CSMD1: variants seen among roughly 807,000 people sequenced by gnomAD.
CSMD1 encodes the protein CUB and sushi domain-containing protein 1.
A neutral mutation model predicts 417.5 loss-of-function variants in CSMD1; 213 were observed. The observed-to-expected ratio is 0.51, with a 90% CI of 0.46 to 0.57. The LOEUF (loss-of-function observed/expected upper bound fraction) is 0.57, where lower values mean the gene tolerates loss of function less well. Among genes scored for constraint, CSMD1 ranks in the 20% least tolerant of loss-of-function variants. CSMD1 has a pLI of 0.00. For synonymous variants in CSMD1, 2,862 were observed against 1,736.8 expected, an observed-to-expected ratio of 1.65 and a Z score of -16.11; for missense variants, 6,923 against 4,529.7, an observed-to-expected ratio of 1.53 and a Z score of -15.17.
At chr8:3,453,208 C>A (rs1037707035) in intron 12 of CSMD1, among the ~76,000 whole-genome samples, 1 of 151,918 alleles carries the variant, frequency 6.6e-6, no homozygotes, top group Non-Finnish European at 1.5e-5. Context: ...TTTCTCTTTT[C>A]TTCTTTATAG....
intron 7 of CSMD1, among the ~76,000 whole-genome samples, chr8:3,679,362 A>T (rs1219839838): frequency 6.6e-6 from 1 of 152,118 alleles, no homozygotes; most frequent in African/African-American, 2.4e-5. Flanking sequence ...AATGGAAAAC[A>T]AAAAAAGGCA....
intron 1 of CSMD1, among the ~76,000 whole-genome samples, chr8:4,728,372 T>C (rs1809613568): frequency 2.6e-5 from 4 of 151,966 alleles, no homozygotes; most frequent in South Asian, 2.1e-4. Context: ...CATTACATGA[T>C]ATAAGGGACG....
At chr8:3,775,451 A>G (rs974734204) in intron 5 of CSMD1, among the ~76,000 whole-genome samples, 2 of 152,190 alleles carry the variant, frequency 1.3e-5, no homozygotes, top group African/African-American at 2.4e-5. Flanking sequence ...GGGCAAAAAC[A>G]ATCATTTATC....
At chr8:3,540,937 T>C (rs954012855) in intron 10 of CSMD1, among the ~76,000 whole-genome samples, 1 of 152,224 alleles carries the variant, frequency 6.6e-6, no homozygotes, top group Non-Finnish European at 1.5e-5. Flanking sequence ...GGTGGGAATG[T>C]AACTTAGTTC....
chr8:4,551,475 G>A (rs896243563), intron 2 of CSMD1, among the ~76,000 whole-genome samples: 1 of 152,102 alleles, frequency 6.6e-6, no homozygotes, highest in Non-Finnish European at 1.5e-5. Context: ...ACCTGATGGT[G>A]ATATTTTAGT....
At chr8:4,510,392 A>AAAAAAAAAAAAAAAG (rs1802754708) in intron 2 of CSMD1, among the ~76,000 whole-genome samples, 1 of 17,528 alleles carries the variant, frequency 5.7e-5, no homozygotes, top group African/African-American at 1.3e-4. Flanking sequence ...ATAATGCCTA[A>AAAAAAAAAAAAAAAG]AAAAAAAAAA....
intron 7 of CSMD1, among the ~76,000 whole-genome samples, chr8:3,643,724 G>GAAAAAAAAAA (rs1431798280): frequency 6.6e-5 from 8 of 120,822 alleles, no homozygotes; most frequent in East Asian, 2.4e-4. Flanking sequence ...AAAAAAAAAG[G>GAAAAAAAAAA]AAATGCCTCC....
intron 1 of CSMD1, among the ~76,000 whole-genome samples, chr8:4,928,195 G>C (rs922646476): frequency 6.6e-6 from 1 of 152,034 alleles, no homozygotes; most frequent in Non-Finnish European, 1.5e-5. Context: ...TGGAGTGCCC[G>C]TCACCAAGAA....
In CSMD1 at chr8:3,186,131, A is replaced by G. The variant is rs73493949; in HGVS notation, c.5620+1738T>C. ...TACCAAATATTATTTATATAATTAC[A>G]TTAAGTGTTGGCATCTGTGTAGATT... On this transcript the variant is annotated intron_variant, in intron 36 of 69. Coordinates refer to ENST00000635120, the MANE Select transcript of CSMD1 (RefSeq NM_033225.6). 1.6e-3 allele frequency among the ~76,000 whole-genome samples: 236 copies of G among 151,422 alleles called. 2 individuals are homozygous for G. Among genetic ancestry groups the G allele is most frequent in the African/African-American group, 4.4e-3 (183 of 41,292 alleles).
chr8:4,357,195 C>G (rs1273579847), intron 3 of CSMD1, among the ~76,000 whole-genome samples: 1 of 152,112 alleles, frequency 6.6e-6, no homozygotes, highest in African/African-American at 2.4e-5. Flanking sequence ...GTAGTGTGTT[C>G]TTAAGTAGCT....
At chr8:4,958,351 A>G (rs10503295) in intron 1 of CSMD1, among the ~76,000 whole-genome samples, 37,881 of 152,104 alleles carry the variant, frequency 0.25, 6,025 homozygotes, top group Non-Finnish European at 0.36. Context: ...AAAGGTGAAC[A>G]TGGTTGATCT....
chr8:4,424,137 G>C (rs1406321878), intron 2 of CSMD1, among the ~76,000 whole-genome samples: 3 of 152,142 alleles, frequency 2.0e-5, no homozygotes, highest in Admixed American at 6.6e-5. Flanking sequence ...GGGCTAGACA[G>C]AGTTTCTATG....
At chr8:3,235,377 G>A (rs1053691316) in intron 26 of CSMD1, among the ~76,000 whole-genome samples, 1 of 152,134 alleles carries the variant, frequency 6.6e-6, no homozygotes, top group African/African-American at 2.4e-5. Context: ...AAGGTGCACA[G>A]ATTTTATACA....
At chr8:4,378,198 C>T (rs1028614326) in intron 3 of CSMD1, among the ~76,000 whole-genome samples, 23 of 152,280 alleles carry the variant, frequency 1.5e-4, no homozygotes, top group East Asian at 3.9e-4. Context: ...CGGCGTCCAA[C>T]GAATTAGTCG....
intron 7 of CSMD1, among the ~76,000 whole-genome samples, chr8:3,643,927 T>C (rs183753062): frequency 1.3e-5 from 2 of 152,316 alleles, no homozygotes; most frequent in East Asian, 1.9e-4. Flanking sequence ...CTAAAGGGAT[T>C]TGTGTATTTA....
At chr8:4,454,877 G>A (rs550231267) in intron 2 of CSMD1, among the ~76,000 whole-genome samples, 1 of 152,060 alleles carries the variant, frequency 6.6e-6, no homozygotes, top group Admixed American at 6.6e-5. Flanking sequence ...TAATCTAAAT[G>A]GCGTCCTGTG....
chr8:3,249,462 G>A (rs542955891), intron 26 of CSMD1, among the ~76,000 whole-genome samples: 11 of 152,242 alleles, frequency 7.2e-5, no homozygotes, highest in Admixed American at 1.3e-4. Context: ...GACCTTGGGT[G>A]ATCCGCCCAC....
At chr8:3,751,979 CG>C (rs1481587201) in intron 6 of CSMD1, among the ~76,000 whole-genome samples, 1 of 152,080 alleles carries the variant, frequency 6.6e-6, no homozygotes, top group Non-Finnish European at 1.5e-5. Context: ...AAATCTGGTA[CG>C]GGATGGACAT....
intron 23 of CSMD1, among the ~76,000 whole-genome samples, chr8:3,322,585 G>A (rs972436859): frequency 1.3e-5 from 2 of 152,072 alleles, no homozygotes; most frequent in African/African-American, 4.8e-5. Context: ...TGGTTTCATT[G>A]GCCAGAATGT....
Sources: allele counts gnomAD v4.1 joint callset (sites outside exome capture counted in the v4.1 genomes callset), GRCh38; gene constraint gnomAD v4.1.1; transcripts MANE v1.5; gene names NCBI Gene and HGNC (gene_info 2026-07-23, HGNC 2026-07-21).